PSME4: variants seen among roughly 807,000 people sequenced by gnomAD.
PSME4 encodes the protein proteasome activator subunit 4.
PSME4 carries 89 observed loss-of-function variants against 253.9 expected under a neutral mutation model. The observed-to-expected ratio is 0.35, with a 90% CI of 0.30 to 0.42. The LOEUF is 0.42. Ranked by LOEUF, PSME4 falls within the 10% of genes least tolerant of loss-of-function variation. The probability of loss-of-function intolerance (pLI) is 1.00; values close to 1 mark genes in which losing one functional copy is unlikely to be tolerated. For missense variants in PSME4, 2,014 were observed against 2,195.2 expected, an observed-to-expected ratio of 0.92 and a Z score of 1.65; for synonymous variants, 851 against 759.2, an observed-to-expected ratio of 1.12 and a Z score of -1.99.
chr2:53,905,007 T>C (rs943715315), intron 26 of PSME4, among the ~76,000 whole-genome samples: 72 of 145,032 alleles, frequency 5.0e-4, no homozygotes, highest in Admixed American at 7.2e-5. Context: ...AAAAAAGAGT[T>C]TGAAATATGT....
chr2:53,931,144 G>A (rs1157441094), intron 10 of PSME4, among the ~76,000 whole-genome samples: 4 of 152,168 alleles, frequency 2.6e-5, no homozygotes, highest in Non-Finnish European at 5.9e-5. Flanking sequence ...TGGGTGTGGT[G>A]GCGGGCGCCT....
At chr2:53,962,967 G>A (rs186826296) in intron 1 of PSME4, among the ~76,000 whole-genome samples, 2 of 149,592 alleles carry the variant, frequency 1.3e-5, no homozygotes, top group African/African-American at 2.5e-5. Flanking sequence ...CCGAGATCGC[G>A]CCACTGCACT....
At chr2:53,900,508 T>C (rs1273136729) in intron 28 of PSME4, among the ~76,000 whole-genome samples, 1 of 151,896 alleles carries the variant, frequency 6.6e-6, no homozygotes, top group African/African-American at 2.4e-5. Flanking sequence ...ACTCTAGCCT[T>C]GGGGGACAGA....
Position 53,908,392 on chromosome 2 carries a change from T to C in PSME4, c.2712A>G (p.Gln904=), listed in dbSNP as rs778067694. 6.2e-7 allele frequency: 1 copy of C among 1,613,292 alleles called. No homozygotes were observed. Among genetic ancestry groups the C allele is most frequent in the Non-Finnish European group, 8.5e-7 (1 of 1,179,590 alleles). ...IKIIGDLLQF[Q]GSHKHEFDSR... is the part of the protein sequence containing the mutation. ...AGTCAAATTCATGCTTGTGAGATCC[T>C]TGGAATTGTAAAAGGTCTCCAATAA... Residue 904 remains glutamine (Q), a synonymous_variant, in exon 24 of 47, where the codon CAA becomes CAG. Coordinates refer to ENST00000404125, the MANE Select transcript of PSME4 (RefSeq NM_014614.3).
intron 1 of PSME4, among the ~76,000 whole-genome samples, chr2:53,950,790 A>C (rs561191068): frequency 6.6e-6 from 1 of 151,300 alleles, no homozygotes; most frequent in African/African-American, 2.4e-5. Context: ...GCGGTGAGCC[A>C]AGAGTGTGCC....
Position 53,920,936 on chromosome 2 carries a change from C to T in PSME4, c.2215G>A (p.Val739Met), listed in dbSNP as rs1668285498. ...TLIYPTEYCS[V>M]PGGFDKPPSE... Reference sequence around the variant, plus strand: ...GGAGGCTTGTCAAAGCCACCTGGCACACTGCAGTATTCTGTAGGGTAGATA... The same window carrying T: ...GGAGGCTTGTCAAAGCCACCTGGCATACTGCAGTATTCTGTAGGGTAGATA... The change falls in exon 18 of 47, where the codon GTG becomes ATG. Residue 739 changes from valine (V) to methionine (M), a missense_variant. Transcript: ENST00000404125. 1.2e-6 allele frequency: 2 copies of T among 1,613,880 alleles called. No individual in the cohort carries two copies. The highest frequency in any genetic ancestry group is 2.7e-5 in the African/African-American group (2 of 75,022).
chr2:53,967,649 CAAAAAAAAAA>C lies in PSME4; in HGVS notation c.242+2884_242+2893del, dbSNP rs71408747. ...TCTGGGCAACAGAGTGAGATTGTCT[CAAAAAAAAAA>C]AAAAAAAAAAAAAAAAAAAAGTCAA... On this transcript the variant is annotated intron_variant, in intron 1 of 46. Transcript: ENST00000404125. Among the ~76,000 whole-genome samples the C allele has an allele frequency of 2.5e-3, 53 of 21,560 alleles. 1 individual carries two copies. Among genetic ancestry groups the C allele is most frequent in the South Asian group, 0.019 (4 of 210 alleles). 14.1% of individuals were successfully genotyped at this position (21,560 alleles called of 152,430 possible).
intron 3 of PSME4, among the ~76,000 whole-genome samples, chr2:53,940,952 C>CATATTTAA (rs61078234): frequency 0.032 from 769 of 23,976 alleles, 81 homozygotes; most frequent in South Asian, 0.067. Flanking sequence ...TATATATATA[C>CATATTTAA]ATATATATAT....
Position 53,923,385 on chromosome 2 carries a change from G to C in PSME4, c.1844C>G (p.Ser615Ter), listed in dbSNP as rs1668412775. Residue 615 changes from serine (S) to a stop codon, truncating the protein, a stop_gained, in exon 15 of 47, where the codon TCA (serine) becomes TGA (stop). Coordinates refer to ENST00000404125, the MANE Select transcript of PSME4 (RefSeq NM_014614.3). LOFTEE classifies it high-confidence loss of function. Reference protein sequence around the residue: ...ALQKVFNFSTSHIFETRVAGR... With the variant: ...ALQKVFNFST Reference sequence around the variant, plus strand: ...TGCTACTCTTGTTTCAAATATATGTGAAGTAGAAAAATTAAAAACCTTCTG... The same window carrying C: ...TGCTACTCTTGTTTCAAATATATGTCAAGTAGAAAAATTAAAAACCTTCTG... 1 of 1,609,946 alleles carries C rather than the reference G, an allele frequency of 6.2e-7. No individual in the cohort carries two copies. The highest frequency in any genetic ancestry group is 1.7e-5 in the Admixed American group (1 of 59,084).
At chr2:53,894,451 T>C (rs895720808) in intron 34 of PSME4, among the ~76,000 whole-genome samples, 8 of 150,376 alleles carry the variant, frequency 5.3e-5, no homozygotes, top group African/African-American at 1.8e-4. Context: ...TTTGTATTTT[T>C]TGTAGAGACA....
At chr2:53,890,494 A>G (rs1679855538) in intron 36 of PSME4, among the ~76,000 whole-genome samples, 1 of 152,100 alleles carries the variant, frequency 6.6e-6, no homozygotes, top group Non-Finnish European at 1.5e-5. Flanking sequence ...TTTTGTAAAA[A>G]CAGGATCTTG....
intron 20 of PSME4, among the ~76,000 whole-genome samples, chr2:53,915,551 C>A (rs1668020214): frequency 6.6e-6 from 1 of 151,380 alleles, no homozygotes; most frequent in Admixed American, 6.6e-5. Context: ...ATAGTGAGAC[C>A]TTGTCTCTCT....
chr2:53,909,453 G>A (rs1409958106), intron 21 of PSME4, among the ~76,000 whole-genome samples: 1 of 152,066 alleles, frequency 6.6e-6, no homozygotes, highest in Non-Finnish European at 1.5e-5. Context: ...TAACATATAA[G>A]TGCTAGAATA....
chr2:53,913,260 G>C (rs765661324), intron 20 of PSME4, among the ~76,000 whole-genome samples: 1 of 151,906 alleles, frequency 6.6e-6, no homozygotes. Context: ...CACTAAAAAA[G>C]GACCTATGAA....
intron 36 of PSME4, among the ~76,000 whole-genome samples, chr2:53,892,575 TA>T (rs943987030): frequency 9.9e-5 from 15 of 152,174 alleles, no homozygotes; most frequent in African/African-American, 3.4e-4. Flanking sequence ...TAATTTTTTT[TA>T]AATTTTTTCC....
chr2:53,949,745 A>G (rs746262948), intron 1 of PSME4, among the ~76,000 whole-genome samples: 1 of 152,188 alleles, frequency 6.6e-6, no homozygotes, highest in Non-Finnish European at 1.5e-5. Context: ...GGAAATGGAG[A>G]GCTGTTATTC....
At chr2:53,966,652 C>T (rs748205156) in intron 1 of PSME4, among the ~76,000 whole-genome samples, 7 of 152,070 alleles carry the variant, frequency 4.6e-5, no homozygotes, top group African/African-American at 7.2e-5. Context: ...GCACCCGCAG[C>T]CCCTCATGAA....
At chr2:53,932,185 A>G in intron 9 of PSME4, 85 bp from the exon 10 acceptor site, 2 of 1,279,652 alleles carry the variant, frequency 1.6e-6, no homozygotes, top group Non-Finnish European at 2.2e-6. Flanking sequence ...TCTTGAGAAA[A>G]GATTTTAAAA....
chr2:53,915,310 C>T (rs1668007457), intron 20 of PSME4, among the ~76,000 whole-genome samples: 1 of 151,998 alleles, frequency 6.6e-6, no homozygotes, highest in African/African-American at 2.4e-5. Flanking sequence ...GCATGGTGAC[C>T]CACGCCTATA....
Sources: gnomAD v4.1 joint callset for allele counts (sites outside exome capture counted in the v4.1 genomes callset) on GRCh38, gnomAD v4.1.1 for gene constraint, MANE v1.5 for transcripts, NCBI Gene and HGNC (gene_info 2026-07-23, HGNC 2026-07-21) for gene names.